Variants in SPIN1 observed in about 807,000 individuals in gnomAD.
The protein encoded by SPIN1 is spindlin 1.
SPIN1 carries 3 observed loss-of-function variants against 26.0 expected under a neutral mutation model. The observed-to-expected ratio is 0.12, with a 90% CI of 0.05 to 0.30. The LOEUF is 0.30. Ranked by LOEUF, SPIN1 falls within the 10% of genes least tolerant of loss-of-function variation. SPIN1 has a pLI of 1.00. For synonymous variants in SPIN1, 101 were observed against 116.5 expected, an observed-to-expected ratio of 0.87 and a Z score of 0.86; for missense variants, 126 against 333.4, an observed-to-expected ratio of 0.38 and a Z score of 4.84.
chr9:88,389,311 T>C (rs1049110266), intron 1 of SPIN1: 6 of 152,232 alleles, frequency 3.9e-5, no homozygotes, highest in African/African-American at 1.4e-4. Context: ...TCAAGGAATG[T>C]GTTGAAACGA....
intron 1 of SPIN1, among the ~76,000 whole-genome samples, chr9:88,390,832 A>C (rs1039739253): frequency 6.6e-6 from 1 of 152,206 alleles, no homozygotes; most frequent in Non-Finnish European, 1.5e-5. Context: ...CTGATTCATC[A>C]TGCAGCCTTT....
chr9:88,462,838 C>T, intron 4 of SPIN1, 89 bp downstream of exon 4: 1 of 1,379,450 alleles, frequency 7.2e-7, no homozygotes, highest in South Asian at 1.5e-5. Context: ...TAATACTTCA[C>T]TTTTATTGGA....
At chr9:88,472,388 C>T (rs1828805556) in intron 5 of SPIN1, among the ~76,000 whole-genome samples, 1 of 152,148 alleles carries the variant, frequency 6.6e-6, no homozygotes, top group Admixed American at 6.5e-5. Flanking sequence ...GCACATGCCA[C>T]CTCGCCTAGC....
chr9:88,441,175 C>T (rs1317463883), intron 2 of SPIN1, among the ~76,000 whole-genome samples: 1 of 151,704 alleles, frequency 6.6e-6, no homozygotes, highest in Admixed American at 6.6e-5. Context: ...ATTTACATAA[C>T]TTTTGTATTT....
At chr9:88,446,553 T>C (rs1176986533) in intron 2 of SPIN1, among the ~76,000 whole-genome samples, 1 of 151,752 alleles carries the variant, frequency 6.6e-6, no homozygotes, top group Non-Finnish European at 1.5e-5. Flanking sequence ...ATTACAGGTG[T>C]GCGCCACCAC....
chr9:88,403,128 T>A (rs1420472626), intron 1 of SPIN1, among the ~76,000 whole-genome samples: 1 of 151,996 alleles, frequency 6.6e-6, no homozygotes, highest in Non-Finnish European at 1.5e-5. Context: ...TTTAGTGGGA[T>A]TATTATTATT....
intron 1 of SPIN1, chr9:88,411,248 A>G (rs1182741768): frequency 5.2e-6 from 6 of 1,145,548 alleles, no homozygotes; most frequent in African/African-American, 3.0e-5. Flanking sequence ...CCTTGCATTC[A>G]TGGCTGCATC....
intron 5 of SPIN1, among the ~76,000 whole-genome samples, chr9:88,472,747 G>A (rs1340798475): frequency 2.6e-5 from 4 of 152,092 alleles, no homozygotes; most frequent in Non-Finnish European, 2.9e-5. Context: ...CCTTGGCCTC[G>A]CAAAGTGCTG....
intron 1 of SPIN1, among the ~76,000 whole-genome samples, chr9:88,392,443 CCATAGAT>C (rs1826945183): frequency 6.6e-6 from 1 of 152,048 alleles, no homozygotes; most frequent in African/African-American, 2.4e-5. Context: ...GAAGGTGATT[CCATAGAT>C]TATCAGAATG....
intron 2 of SPIN1, among the ~76,000 whole-genome samples, chr9:88,439,869 T>C (rs940498597): frequency 6.6e-6 from 1 of 152,216 alleles, no homozygotes; most frequent in Non-Finnish European, 1.5e-5. Context: ...TGTGTATCTT[T>C]ATAGTTAAAG....
chr9:88,457,933 T>A, intron 3 of SPIN1: 5 of 985,312 alleles, frequency 5.1e-6, no homozygotes, highest in Non-Finnish European at 6.0e-6. Flanking sequence ...AACAAAAGTC[T>A]ACATTTCAGC....
intron 1 of SPIN1, among the ~76,000 whole-genome samples, chr9:88,399,776 A>G (rs1827147827): frequency 6.6e-6 from 1 of 152,158 alleles, no homozygotes; most frequent in Non-Finnish European, 1.5e-5. Context: ...AATTCTGGGG[A>G]ATGTAGTTCA....
intron 5 of SPIN1, among the ~76,000 whole-genome samples, chr9:88,473,412 G>A (rs1828829369): frequency 6.6e-6 from 1 of 151,152 alleles, no homozygotes; most frequent in Non-Finnish European, 1.5e-5. Flanking sequence ...AAAAAAAATT[G>A]TGTACATTTG....
intron 1 of SPIN1, chr9:88,391,623 A>G (rs1826921622): frequency 6.6e-6 from 1 of 152,186 alleles, no homozygotes; most frequent in South Asian, 2.1e-4. Flanking sequence ...ATGTCCTGGA[A>G]GGTCGTTTCT....
intron 5 of SPIN1, among the ~76,000 whole-genome samples, chr9:88,469,267 C>G (rs527413507): frequency 6.6e-6 from 1 of 152,304 alleles, no homozygotes; most frequent in African/African-American, 2.4e-5. Context: ...AGAGCTCAGA[C>G]GGCAGTGCTC....
At chr9:88,409,199 T>C (rs1444533911) in intron 1 of SPIN1, among the ~76,000 whole-genome samples, 1 of 149,520 alleles carries the variant, frequency 6.7e-6, no homozygotes, top group Non-Finnish European at 1.5e-5. Flanking sequence ...TTTTTCATGT[T>C]GATCAGGCTG....
chr9:88,419,122 T>C (rs1422798031), intron 1 of SPIN1, among the ~76,000 whole-genome samples: 1 of 152,170 alleles, frequency 6.6e-6, no homozygotes, highest in East Asian at 1.9e-4. Flanking sequence ...TGTCAGTATG[T>C]TCAATTCTTT....
At chr9:88,428,421 A>C (rs1827802658) in intron 2 of SPIN1, among the ~76,000 whole-genome samples, 1 of 152,210 alleles carries the variant, frequency 6.6e-6, no homozygotes, top group Non-Finnish European at 1.5e-5. Flanking sequence ...TATGAGTGAG[A>C]ATATGCAATA....
At chr9:88,444,675 G>A (rs1828207278) in intron 2 of SPIN1, among the ~76,000 whole-genome samples, 1 of 148,692 alleles carries the variant, frequency 6.7e-6, no homozygotes, top group South Asian at 2.1e-4. Flanking sequence ...ATGATGAATG[G>A]TTTACCTTTT....
Sources: gnomAD v4.1 joint callset for allele counts (sites outside exome capture counted in the v4.1 genomes callset) on GRCh38, gnomAD v4.1.1 for gene constraint, MANE v1.5 for transcripts, NCBI Gene and HGNC (gene_info 2026-07-23, HGNC 2026-07-21) for gene names.